The following CFAP299 variants were observed in gnomAD, a reference collection of about 807,000 sequenced individuals.
CFAP299 encodes cilia- and flagella-associated protein 299.
CFAP299 carries 21 observed loss-of-function variants against 27.0 expected under a neutral mutation model. The observed-to-expected ratio is 0.78, with a 90% CI of 0.55 to 1.12. CFAP299 has a LOEUF of 1.12. Among genes scored for constraint, CFAP299 ranks in the 50% most tolerant of loss-of-function variants. The probability of loss-of-function intolerance (pLI) is 0.00; values close to 1 mark genes in which losing one functional copy is unlikely to be tolerated. For synonymous variants in CFAP299, 104 were observed against 98.1 expected (o/e 1.06, Z -0.36); for missense variants, 310 against 276.6 (o/e 1.12, Z -0.86).
At chr4:80,895,183 C>T (rs1578219949) in intron 4 of CFAP299, among the ~76,000 whole-genome samples, 1 of 138,406 alleles carries the variant, frequency 7.2e-6, no homozygotes, top group East Asian at 2.0e-4. Context: ...CACACACACA[C>T]ACACACACAC....
intron 3 of CFAP299, among the ~76,000 whole-genome samples, chr4:80,686,613 A>G (rs1435962331): frequency 1.3e-5 from 2 of 152,206 alleles, no homozygotes; most frequent in Non-Finnish European, 2.9e-5. Context: ...TTCACAGTAT[A>G]GTGGCAGGAA....
intron 3 of CFAP299, among the ~76,000 whole-genome samples, chr4:80,844,766 C>T (rs1229463541): frequency 6.6e-6 from 1 of 152,220 alleles, no homozygotes; most frequent in Non-Finnish European, 1.5e-5. Flanking sequence ...TAATTAGATC[C>T]CATTTGTCAA....
At chr4:80,579,840 C>T (rs963647338) in intron 2 of CFAP299, among the ~76,000 whole-genome samples, 1 of 151,890 alleles carries the variant, frequency 6.6e-6, no homozygotes, top group Admixed American at 6.6e-5. Context: ...ATTTAAAAAA[C>T]CTTGAAGGCT....
At chr4:80,909,272 A>G (rs1192536826) in intron 4 of CFAP299, among the ~76,000 whole-genome samples, 1 of 152,076 alleles carries the variant, frequency 6.6e-6, no homozygotes, top group Non-Finnish European at 1.5e-5. Flanking sequence ...GCATTATTGT[A>G]GTAAAAGGGA....
At chr4:80,918,513 A>G (rs1735871627) in intron 4 of CFAP299, among the ~76,000 whole-genome samples, 1 of 152,116 alleles carries the variant, frequency 6.6e-6, no homozygotes, top group Admixed American at 6.6e-5. Context: ...ATTTTATAAT[A>G]CTATTATTTC....
At chr4:80,430,411 TTGAC>T (rs1727752661) in intron 2 of CFAP299, among the ~76,000 whole-genome samples, 1 of 152,226 alleles carries the variant, frequency 6.6e-6, no homozygotes. Context: ...GTTTTCATCT[TTGAC>T]TGTTCGTTCT....
intron 2 of CFAP299, among the ~76,000 whole-genome samples, chr4:80,440,103 G>C (rs553423687): frequency 6.6e-6 from 1 of 152,322 alleles, no homozygotes; most frequent in Non-Finnish European, 1.5e-5. Flanking sequence ...GCACCTGGGA[G>C]AAGGGGAGGC....
intron 2 of CFAP299, among the ~76,000 whole-genome samples, chr4:80,572,888 T>G (rs779530650): frequency 5.9e-5 from 9 of 152,134 alleles, no homozygotes; most frequent in Non-Finnish European, 1.2e-4. Flanking sequence ...TGAAGGACAC[T>G]TAAGTTGCTT....
intron 3 of CFAP299, among the ~76,000 whole-genome samples, chr4:80,838,890 G>A (rs926137986): frequency 2.0e-5 from 3 of 152,078 alleles, no homozygotes; most frequent in African/African-American, 7.2e-5. Context: ...TTGTTGATAT[G>A]TGGATACTTC....
In CFAP299 at chr4:80,915,327, G is replaced by A. The variant is rs761294363; in HGVS notation, c.477-29483G>A. ...TGTCACTGAATTTTCTCTAGCTTGCGTAGTTTCTGATGGATACCTTTTGTA... is the reference window on the plus strand; with the variant it reads ...TGTCACTGAATTTTCTCTAGCTTGCATAGTTTCTGATGGATACCTTTTGTA... On this transcript the variant is annotated intron_variant, in intron 4 of 5. Transcript: ENST00000358105. 1.2e-4 allele frequency among the ~76,000 whole-genome samples: 18 copies of A among 151,812 alleles called. No individual in the cohort carries two copies. The South Asian group carries it at 1.9e-3, about 16-fold the overall frequency.
chr4:80,381,854 A>T (rs1724715492), intron 2 of CFAP299, among the ~76,000 whole-genome samples: 1 of 152,200 alleles, frequency 6.6e-6, no homozygotes, highest in Non-Finnish European at 1.5e-5. Flanking sequence ...CTTCTGGGAA[A>T]TAGTTTCAAA....
intron 3 of CFAP299, among the ~76,000 whole-genome samples, chr4:80,722,920 C>G (rs1486513762): frequency 6.7e-6 from 1 of 148,902 alleles, no homozygotes; most frequent in Non-Finnish European, 1.5e-5. Context: ...AAAAAAAAAT[C>G]AATAATAAAA....
At chr4:80,610,214 C>T (rs1225098072) in intron 3 of CFAP299, among the ~76,000 whole-genome samples, 2 of 151,968 alleles carry the variant, frequency 1.3e-5, no homozygotes, top group Non-Finnish European at 2.9e-5. Context: ...AAAAATGACA[C>T]TAGTGAAGTG....
At chr4:80,345,406 C>T (rs1722677250) in intron 1 of CFAP299, among the ~76,000 whole-genome samples, 1 of 151,240 alleles carries the variant, frequency 6.6e-6, no homozygotes, top group African/African-American at 2.4e-5. Context: ...GTATTTCTCC[C>T]AATGCTATCC....
intron 2 of CFAP299, among the ~76,000 whole-genome samples, chr4:80,436,786 G>C (rs1169686689): frequency 6.6e-6 from 1 of 152,174 alleles, no homozygotes; most frequent in Admixed American, 6.5e-5. Context: ...CAGCAGAGCT[G>C]TCTTTTGTCC....
chr4:80,743,049 G>C (rs1019314256), intron 3 of CFAP299, among the ~76,000 whole-genome samples: 2 of 152,112 alleles, frequency 1.3e-5, no homozygotes, highest in African/African-American at 4.8e-5. Flanking sequence ...TAACTTGGTT[G>C]CTCTAACTGC....
chr4:80,774,458 A>G (rs532667131), intron 3 of CFAP299, among the ~76,000 whole-genome samples: 5 of 152,028 alleles, frequency 3.3e-5, no homozygotes, highest in African/African-American at 1.2e-4. Context: ...AAAAATGCAT[A>G]TTTATGTATA....
At chr4:80,364,282 T>G (rs1441731545) in intron 2 of CFAP299, among the ~76,000 whole-genome samples, 1 of 152,174 alleles carries the variant, frequency 6.6e-6, no homozygotes, top group African/African-American at 2.4e-5. Context: ...ATTCAATTCC[T>G]TATGATTATA....
At chr4:80,905,469 T>A (rs945778601) in intron 4 of CFAP299, among the ~76,000 whole-genome samples, 1 of 152,118 alleles carries the variant, frequency 6.6e-6, no homozygotes, top group Non-Finnish European at 1.5e-5. Flanking sequence ...AAATTGATAT[T>A]TTTTTTAAAA....
Sources: gnomAD v4.1 joint callset for allele counts (sites outside exome capture counted in the v4.1 genomes callset) on GRCh38, gnomAD v4.1.1 for gene constraint, MANE v1.5 for transcripts, NCBI Gene and HGNC (gene_info 2026-07-23, HGNC 2026-07-21) for gene names.